JAK1: variants seen among roughly 807,000 people sequenced by gnomAD.
JAK1 encodes Janus kinase 1.
Under a neutral mutation model 136.6 loss-of-function variants are expected in JAK1, and 16 were observed. The ratio of observed to expected loss-of-function variants is 0.12; its 90% CI spans 0.08 to 0.18. The LOEUF (loss-of-function observed/expected upper bound fraction) is 0.18, where lower values mean the gene tolerates loss of function less well. Among genes scored for constraint, JAK1 ranks in the 10% least tolerant of loss-of-function variants. The pLI is 1.00. For synonymous variants in JAK1, 492 were observed against 519.5 expected, an observed-to-expected ratio of 0.95 and a Z score of 0.72; for missense variants, 859 against 1,450.1, an observed-to-expected ratio of 0.59 and a Z score of 6.62.
chr1:64,863,556 A>C (rs2101095545), intron 8 of JAK1, among the ~76,000 whole-genome samples: 1 of 152,214 alleles, frequency 6.6e-6, no homozygotes, highest in South Asian at 2.1e-4. Flanking sequence ...AAAGGAGGGG[A>C]GAATAAGAAA....
intron 17 of JAK1, among the ~76,000 whole-genome samples, chr1:64,843,535 T>C (rs1655040527): frequency 1.3e-5 from 2 of 152,122 alleles, no homozygotes; most frequent in Admixed American, 1.3e-4. Flanking sequence ...CCTACCTAAT[T>C]TGCAGGGCTC....
intron 1 of JAK1, among the ~76,000 whole-genome samples, chr1:65,059,944 T>C (rs1040685123): frequency 6.6e-6 from 1 of 152,152 alleles, no homozygotes; most frequent in African/African-American, 2.4e-5. Flanking sequence ...AACTCAACTA[T>C]TAACTTTACG....
At chr1:65,044,247 GT>G (rs1376770888) in intron 2 of JAK1, among the ~76,000 whole-genome samples, 2 of 152,336 alleles carry the variant, frequency 1.3e-5, no homozygotes, top group East Asian at 3.9e-4. Context: ...ATGGGGCTGG[GT>G]TTGGAGGCTC....
intron 1 of JAK1, among the ~76,000 whole-genome samples, chr1:64,902,394 G>A (rs559753197): frequency 2.9e-4 from 44 of 152,038 alleles, no homozygotes; most frequent in Non-Finnish European, 3.1e-4. Flanking sequence ...CTGTCAATCC[G>A]AGGATAAAGG....
At chr1:64,853,673 A>G (rs1016008367) in intron 11 of JAK1, among the ~76,000 whole-genome samples, 1 of 152,182 alleles carries the variant, frequency 6.6e-6, no homozygotes, top group African/African-American at 2.4e-5. Flanking sequence ...CACCTTTGTA[A>G]TATCTACAAA....
intron 1 of JAK1, among the ~76,000 whole-genome samples, chr1:65,061,194 G>A (rs1005902996): frequency 4.6e-5 from 7 of 152,266 alleles, no homozygotes; most frequent in South Asian, 2.1e-4. Context: ...TGAGGCAGGA[G>A]GATTGCTGGA....
At chr1:64,898,234 C>G (rs917651695) in intron 1 of JAK1, among the ~76,000 whole-genome samples, 1 of 152,216 alleles carries the variant, frequency 6.6e-6, no homozygotes, top group Non-Finnish European at 1.5e-5. Context: ...AGTCAACATT[C>G]TGCTGCTGGT....
rs2101049840 is a variant in JAK1, at chr1:64,855,531, G to A, written c.1626C>T (p.Arg542=). The A allele has an allele frequency of 6.2e-7, 1 of 1,614,150 alleles. No individual in the cohort carries two copies. The highest frequency in any genetic ancestry group is 8.5e-7 in the Non-Finnish European group (1 of 1,180,002). ...RTDNISFMLK[R]CCQPKPREIS... ...AACCTCGGGGCTTGGGCTGGCAGCA[G>A]CGTTTTAGCATGAAGCTGATGTTAT... The change falls in exon 11 of 25, where the codon CGC becomes CGT. Residue 542 remains arginine, a synonymous_variant. Transcript: ENST00000342505.
At chr1:65,051,123 C>T (rs1647271635) in intron 1 of JAK1, among the ~76,000 whole-genome samples, 1 of 151,578 alleles carries the variant, frequency 6.6e-6, no homozygotes, top group Admixed American at 6.6e-5. Flanking sequence ...TTAACAGTAG[C>T]AAATTTTATG....
intron 2 of JAK1, chr1:64,972,564 G>T (rs1319740541): frequency 6.6e-6 from 1 of 152,196 alleles, no homozygotes; most frequent in Non-Finnish European, 1.5e-5. Context: ...CAAGGCGGGT[G>T]GATCACTTGA....
At chr1:64,945,425 C>G (rs1645966527) in intron 1 of JAK1, among the ~76,000 whole-genome samples, 1 of 152,026 alleles carries the variant, frequency 6.6e-6, no homozygotes, top group African/African-American at 2.4e-5. Flanking sequence ...AGTGCAGAAG[C>G]AAACAAAATG....
intron 19 of JAK1, 67 bp downstream of exon 19, chr1:64,841,178 C>T: frequency 8.8e-7 from 1 of 1,132,070 alleles, no homozygotes; most frequent in Non-Finnish European, 1.3e-6. Flanking sequence ...GCTGTACGTG[C>T]AGAGAGTGGC....
intron 1 of JAK1, among the ~76,000 whole-genome samples, chr1:65,063,314 C>G (rs544480756): frequency 2.8e-4 from 42 of 152,294 alleles, no homozygotes; most frequent in Non-Finnish European, 2.1e-4. Flanking sequence ...CAGCAATAGC[C>G]GGGTATGTGG....
chr1:64,957,943 CAAAA>C (rs11337629), intron 1 of JAK1, among the ~76,000 whole-genome samples: 1 of 146,948 alleles, frequency 6.8e-6, no homozygotes. Flanking sequence ...GACTCCGTCT[CAAAA>C]AAAAAAAAAA....
intron 2 of JAK1, among the ~76,000 whole-genome samples, chr1:65,026,908 C>T (rs960576275): frequency 2.0e-5 from 3 of 151,732 alleles, no homozygotes; most frequent in Non-Finnish European, 2.9e-5. Flanking sequence ...GCTGAGATTG[C>T]GCCACTGCAC....
chr1:64,954,261 T>C lies in JAK1; in HGVS notation c.-78+12072A>G, dbSNP rs565569534. On this transcript the variant is annotated intron_variant, in intron 1 of 24. Transcript: ENST00000342505. Reference sequence around the variant, plus strand: ...TTCTGCCATTTATTAGCTCTGCTCATCTGGAAAATGATGCCAATAAGATCC... The same window carrying C: ...TTCTGCCATTTATTAGCTCTGCTCACCTGGAAAATGATGCCAATAAGATCC... Among the ~76,000 whole-genome samples, 14 of 152,358 alleles carry C rather than the reference T, an allele frequency of 9.2e-5. 1 individual carries two copies. The South Asian group carries it at 1.2e-3, about 14-fold the overall frequency.
chr1:64,863,783 T>C (rs1656517175), intron 8 of JAK1, among the ~76,000 whole-genome samples: 1 of 152,160 alleles, frequency 6.6e-6, no homozygotes, highest in Admixed American at 6.5e-5. Context: ...CTCAGGCAAA[T>C]TGTGATTTAT....
intron 1 of JAK1, among the ~76,000 whole-genome samples, chr1:65,045,245 TG>T (rs1647173718): frequency 6.6e-6 from 1 of 152,232 alleles, no homozygotes. Flanking sequence ...CTCCCATGGC[TG>T]ATCTCTGGCC....
chr1:64,990,506 AAGG>A (rs1363775388), intron 2 of JAK1: 3 of 152,174 alleles, frequency 2.0e-5, no homozygotes, highest in South Asian at 2.1e-4. Flanking sequence ...AACCCCAAAG[AAGG>A]AGAAGAATCT....
Sources: gnomAD v4.1 joint callset for allele counts (sites outside exome capture counted in the v4.1 genomes callset) on GRCh38, gnomAD v4.1.1 for gene constraint, MANE v1.5 for transcripts, NCBI Gene and HGNC (gene_info 2026-07-23, HGNC 2026-07-21) for gene names.